The following CAPN12 variants were observed in gnomAD, a reference collection of about 807,000 sequenced individuals.
CAPN12 encodes calpain 12, also known as calpain-12.
Under a neutral mutation model 95.0 loss-of-function variants are expected in CAPN12, and 107 were observed. The observed-to-expected ratio is 1.13, with a 90% CI of 0.96 to 1.32. CAPN12 has a LOEUF of 1.32. Among genes scored for constraint, CAPN12 ranks in the 40% most tolerant of loss-of-function variants. CAPN12 has a pLI of 0.00. For missense variants in CAPN12, 1,136 were observed against 997.8 expected, an observed-to-expected ratio of 1.14 and a Z score of -1.87; for synonymous variants, 505 against 415.5, an observed-to-expected ratio of 1.22 and a Z score of -2.62.
chr19:38,733,709 C>G lies in CAPN12; in HGVS notation c.1951G>C (p.Ala651Pro). The G allele has an allele frequency of 6.2e-7, 1 of 1,613,482 alleles. No individual in the cohort carries two copies. The highest frequency in any genetic ancestry group is 1.1e-5 in the South Asian group (1 of 91,088). ...NSYELRLALN[A>P]AGFHLNNQLT... is the part of the protein sequence containing the mutation. ...CCCAGGACCCTGTCCACACCTGCTGCATTCAGTGCCAGCCTCAGCTCGTAG... is the reference window on the plus strand; with the variant it reads ...CCCAGGACCCTGTCCACACCTGCTGGATTCAGTGCCAGCCTCAGCTCGTAG... Residue 651 changes from alanine (A) to proline (P), a missense_variant, in exon 18 of 21, where the codon GCA becomes CCA. Coordinates refer to ENST00000328867, the MANE Select transcript of CAPN12 (RefSeq NM_144691.4).
At chr19:38,742,370 TG>T (rs780178785) in intron 3 of CAPN12, 39 bp downstream of exon 3, 3 of 1,330,460 alleles carry the variant, frequency 2.3e-6, no homozygotes. Flanking sequence ...CAAGTCACCA[TG>T]GGGGAAACGG....
intron 2 of CAPN12, 150 bp downstream of exon 2, chr19:38,742,883 A>G (rs567606324): frequency 1.6e-5 from 8 of 512,164 alleles, no homozygotes; most frequent in African/African-American, 8.3e-5. Context: ...GGAAGGAAGG[A>G]AGGAGGGAGG....
At position 38,737,305 on chromosome 19, in the gene CAPN12, C is replaced by T. The variant is rs1213849020; in HGVS notation, c.1213G>A (p.Gly405Arg). The change falls in exon 10 of 21, where the codon GGG (glycine) becomes AGG (arginine). Residue 405 changes from glycine to arginine, a missense_variant. Transcript: ENST00000328867. Reference protein sequence around the residue: ...EDDEDEEGPWGGWGAAGARGP... With the variant: ...EDDEDEEGPWRGWGAAGARGP... ...CGTGCCCCTGCAGCCCCCCAGCCCCCCCAGGGCCCTTCCTCATCCTCGTCA... is the reference window on the plus strand; with the variant it reads ...CGTGCCCCTGCAGCCCCCCAGCCCCTCCAGGGCCCTTCCTCATCCTCGTCA... 8 of 1,561,026 alleles carry T rather than the reference C, an allele frequency of 5.1e-6. No individual in the cohort carries two copies. The South Asian group carries it at 8.2e-5, about 16-fold the overall frequency.
At chr19:38,731,357 G>A in intron 18 of CAPN12, 134 bp from the exon 19 acceptor site, 2 of 694,416 alleles carry the variant, frequency 2.9e-6, no homozygotes, top group East Asian at 2.7e-5. Flanking sequence ...TCCCGGCAGG[G>A]TGAGTACAGG....
intron 5 of CAPN12, 182 bp downstream of exon 5, chr19:38,739,869 C>A: frequency 1.8e-6 from 1 of 570,806 alleles, no homozygotes; most frequent in South Asian, 3.2e-5. Flanking sequence ...CTGGATCCAG[C>A]TGTGCCTGAA....
rs1162352252 is a variant in CAPN12 at position 38,730,834 on chromosome 19, T to C, written c.*18A>G. The C allele has an allele frequency of 1.3e-6, 2 of 1,550,568 alleles. No homozygotes were observed. The highest frequency in any genetic ancestry group is 2.7e-5 in the African/African-American group (2 of 73,048). ...CAGCAACCCTGCCCTGAGCAGCAGG[T>C]GCGCCCATCCGGAGATCCTAGGAGA... On this transcript the variant is annotated 3_prime_UTR_variant, in exon 21 of 21. Coordinates refer to ENST00000328867, the MANE Select transcript of CAPN12 (RefSeq NM_144691.4).
In CAPN12 at chr19:38,738,280, C is replaced by T. The variant is rs200270238; in HGVS notation, c.958G>A (p.Glu320Lys). The T allele has an allele frequency of 1.4e-5, 22 of 1,612,066 alleles. No individual in the cohort carries two copies. Among genetic ancestry groups the T allele is most frequent in the Middle Eastern group, 2.3e-4 (1 of 4,436 alleles). Residue 320 changes from glutamate (E) to lysine (K), a missense_variant, in exon 8 of 21, where the codon GAG becomes AAG. Physicochemically the swap from Glu to Lys is moderately conservative, Grantham distance 56. Transcript: ENST00000328867. ...DALLVKKEDG[E>K]FWMELRDFLL... ...GGACCCTGACGAACTGACCAGAACT[C>T]GCCATCCTCCTTTTTCACCAGCAGG...
chr19:38,736,181 C>G lies in CAPN12; in HGVS notation c.1512G>C (p.Pro504=). The change falls in exon 12 of 21, where the codon CCG becomes CCC. Residue 504 remains proline (P), a synonymous_variant. Coordinates refer to ENST00000328867, the MANE Select transcript of CAPN12 (RefSeq NM_144691.4). ...CCTCGTCGCCGGCGTGGGCGGTGCT[C>G]GGCACCACCAGGTAGTGGCCTGGAC... ...CLRPGHYLVV[P]STAHAGDEAD... 3 of 1,513,260 alleles carry G rather than the reference C, an allele frequency of 2.0e-6. No individual in the cohort carries two copies. Among genetic ancestry groups the G allele is most frequent in the Admixed American group, 4.1e-5 (2 of 48,546 alleles). The allele number at this position is 1,513,260 out of a possible 1,614,324, so 93.7% of individuals were successfully genotyped here.
chr19:38,740,326 G>A, intron 4 of CAPN12, 107 bp from the exon 5 acceptor site: 2 of 1,199,988 alleles, frequency 1.7e-6, no homozygotes, highest in Non-Finnish European at 2.3e-6. Context: ...AATCCCCAGG[G>A]GAAATTCCTG....
chr19:38,736,259 G>C lies in CAPN12; in HGVS notation c.1434C>G (p.Ala478=). The C allele has an allele frequency of 6.8e-7, 1 of 1,465,884 alleles. No homozygotes were observed. Among genetic ancestry groups the C allele is most frequent in the Non-Finnish European group, 8.9e-7 (1 of 1,117,784 alleles). 90.8% of individuals were successfully genotyped at this position (1,465,884 alleles called of 1,614,324 possible). A position where few individuals can be genotyped will look rare whatever the true frequency, so the allele number is the denominator to read the frequency against. The part of the protein sequence containing the change: ...SHALLPRLLR[A]DRSPLSARRD... ...GGCGGGCGCTGAGGGGCGAGCGGTC[G>C]GCGCGCAGCAGCCGGGGCAGGAGCG... The change falls in exon 12 of 21, where the codon GCC becomes GCG. Residue 478 remains alanine (A), a synonymous_variant. Transcript: ENST00000328867.
intron 15 of CAPN12, 30 bp from the exon 16 acceptor site, chr19:38,734,419 A>T: frequency 6.5e-7 from 1 of 1,547,938 alleles, no homozygotes; most frequent in Non-Finnish European, 8.7e-7. Flanking sequence ...AAACCACAGC[A>T]CTTCCTGCAT....
At chr19:38,742,036 A>G in intron 3 of CAPN12, 126 bp from the exon 4 acceptor site, 2 of 1,391,980 alleles carry the variant, frequency 1.4e-6, no homozygotes, top group East Asian at 2.5e-5. Context: ...TATGAAATCC[A>G]TATGGCTGGC....
In CAPN12 at chr19:38,742,417, T is replaced by C. The variant is rs759025255; in HGVS notation, c.419A>G (p.His140Arg). The C allele has an allele frequency of 6.2e-7, 1 of 1,611,166 alleles. No homozygotes were observed. Among genetic ancestry groups the C allele is most frequent in the East Asian group, 2.2e-5 (1 of 44,822 alleles). ...AGAGGAACTGAGCTGTACCTGGAAG[T>C]GGAAGACGCCTGCGTAGCCATGCTG... is the stretch of plus-strand genomic sequence containing the variant. ...DFQHGYAGVF[H>R]FQLWQFGRWM... The change falls in exon 3 of 21, where the codon CAC (histidine) becomes CGC (arginine). Residue 140 changes from histidine (H) to arginine (R), a missense_variant. Transcript: ENST00000328867.
Position 38,740,037 on chromosome 19 carries a change from T to A in CAPN12, c.729+14A>T. 1 of 1,550,724 alleles carries A rather than the reference T, an allele frequency of 6.4e-7. No individual in the cohort carries two copies. The highest frequency in any genetic ancestry group is 2.3e-5 in the East Asian group (1 of 43,406). ...TCCTGGTGGGGGTTCCGCATGCGAG[T>A]CCAGGTCTCTTACCAGGGCAGTGGC... is the stretch of plus-strand genomic sequence containing the variant. On this transcript the variant is annotated intron_variant, in intron 5 of 20. Coordinates refer to ENST00000328867, the MANE Select transcript of CAPN12 (RefSeq NM_144691.4).
chr19:38,738,870 G>A (rs1174823762), intron 5 of CAPN12: 19 of 582,594 alleles, frequency 3.3e-5, no homozygotes, highest in Middle Eastern at 4.6e-4. Context: ...ACGGGCTCAC[G>A]CCTGTAATCC....
chr19:38,733,984 G>A (rs1969822984), intron 17 of CAPN12, 158 bp downstream of exon 17: 1 of 843,136 alleles, frequency 1.2e-6, no homozygotes, highest in Non-Finnish European at 1.9e-6. Flanking sequence ...GACAAGCTGA[G>A]GCTGGGTGGG....
At position 38,736,555 on chromosome 19, in the gene CAPN12, C is replaced by T. The variant is rs778417484; in HGVS notation, c.1371G>A (p.Glu457=). 6 of 1,558,246 alleles carry T rather than the reference C, an allele frequency of 3.9e-6. No homozygotes were observed. The African/African-American group carries it at 5.9e-5, about 15-fold the overall frequency. The change falls in exon 11 of 21, where the codon GAG becomes GAA. Residue 457 remains glutamate, a synonymous_variant. Transcript: ENST00000328867. ...TVGFHVFQIP[E]ELLGLWDSPR... is the part of the protein sequence containing the mutation. ...GTTGACCCCATCCCAGACTCACCTC[C>T]TCTGGAATCTGAAAGAAGCAAGAGC...
At chr19:38,733,952 G>C (rs994785151) in intron 17 of CAPN12, 171 bp from the exon 18 acceptor site, 3 of 791,542 alleles carry the variant, frequency 3.8e-6, no homozygotes, top group African/African-American at 3.5e-5. Flanking sequence ...TGTAAAATGG[G>C]AATAAGAGCA....
rs1970192939 is a variant in CAPN12, at chr19:38,736,630, C to T, written c.1363-67G>A. Reference sequence around the variant, plus strand: ...GTGGCCGCCGCTCAGGGTCTCCTCCCTGCCCCTTCTCACCTCTGTGCTCTC... The same window carrying T: ...GTGGCCGCCGCTCAGGGTCTCCTCCTTGCCCCTTCTCACCTCTGTGCTCTC... On this transcript the variant is annotated intron_variant, in intron 10 of 20. Transcript: ENST00000328867. 5 of 1,373,076 alleles carry T rather than the reference C, an allele frequency of 3.6e-6. No individual in the cohort carries two copies. The East Asian group carries it at 7.8e-5, about 21-fold the overall frequency. 85.1% of individuals were successfully genotyped at this position (1,373,076 alleles called of 1,614,324 possible). A position where few individuals can be genotyped will look rare whatever the true frequency, so the allele number is the denominator to read the frequency against.
Sources: gnomAD v4.1 joint callset for allele counts on GRCh38, gnomAD v4.1.1 for gene constraint, MANE v1.5 for transcripts, NCBI Gene and HGNC (gene_info 2026-07-23, HGNC 2026-07-21) for gene names.